MAPK14: variants seen among roughly 807,000 people sequenced by gnomAD.
MAPK14 encodes mitogen-activated protein kinase 14.
Under a neutral mutation model 49.6 loss-of-function variants are expected in MAPK14, and 16 were observed. The observed-to-expected ratio is 0.32, with a 90% CI of 0.22 to 0.49. The LOEUF (loss-of-function observed/expected upper bound fraction) is 0.49, where lower values mean the gene tolerates loss of function less well. MAPK14 is among the 20% of genes least tolerant of loss of function. The pLI is 0.99. For synonymous variants in MAPK14, 142 were observed against 158.0 expected (o/e 0.90, Z 0.76); for missense variants, 200 against 441.2 (o/e 0.45, Z 4.90).
intron 1 of MAPK14, among the ~76,000 whole-genome samples, chr6:36,051,424 A>G (rs972855232): frequency 1.3e-5 from 2 of 152,148 alleles, no homozygotes; most frequent in African/African-American, 4.8e-5. Flanking sequence ...TCTAAAAATA[A>G]TTAAAATACA....
chr6:36,074,133 T>G (rs764218332), intron 6 of MAPK14, 37 bp downstream of exon 6: 2 of 1,562,782 alleles, frequency 1.3e-6, no homozygotes, highest in South Asian at 2.2e-5. Context: ...TTTGCTTTAC[T>G]TTGAGATTAT....
Position 36,104,751 on chromosome 6 carries a change from G to T in MAPK14, c.841+2102G>T, listed in dbSNP as rs116629685. Reference sequence around the variant, plus strand: ...TTTCATTTTATAAGCCTTAAGTTTTGAACAGGGCAGTACTCACTGACACCC... The same window carrying T: ...TTTCATTTTATAAGCCTTAAGTTTTTAACAGGGCAGTACTCACTGACACCC... On this transcript the variant is annotated intron_variant, in intron 10 of 11. Transcript: ENST00000229794. Among the ~76,000 whole-genome samples the T allele has an allele frequency of 2.5e-3, 384 of 152,194 alleles. 2 individuals are homozygous for T. The highest frequency in any genetic ancestry group is 7.9e-3 in the African/African-American group (330 of 41,530).
intron 2 of MAPK14, among the ~76,000 whole-genome samples, chr6:36,053,806 A>G (rs1460651796): frequency 6.6e-6 from 1 of 152,206 alleles, no homozygotes; most frequent in Non-Finnish European, 1.5e-5. Flanking sequence ...CATTTGTTTC[A>G]TTAGTGCAAA....
intron 8 of MAPK14, among the ~76,000 whole-genome samples, chr6:36,090,938 TA>T (rs1426466665): frequency 2.0e-5 from 3 of 152,216 alleles, no homozygotes; most frequent in African/African-American, 7.2e-5. Context: ...TTCTTTGTGT[TA>T]CAGTGAAAAT....
chr6:36,030,612 G>A (rs572653304), intron 1 of MAPK14, among the ~76,000 whole-genome samples: 110 of 151,680 alleles, frequency 7.3e-4, no homozygotes, highest in East Asian at 1.6e-3. Flanking sequence ...ATTTGAACCC[G>A]GGAGGCGGAG....
chr6:36,035,692 A>G (rs1762721730), intron 1 of MAPK14, among the ~76,000 whole-genome samples: 1 of 152,242 alleles, frequency 6.6e-6, no homozygotes, highest in South Asian at 2.1e-4. Flanking sequence ...TAAACAAATG[A>G]ATGATTAGAA....
chr6:36,027,870 C>G lies in MAPK14; in HGVS notation c.-288C>G, dbSNP rs1762366495. 1 of 404,930 alleles carries G rather than the reference C, an allele frequency of 2.5e-6. No individual in the cohort carries two copies. Among genetic ancestry groups the G allele is most frequent in the South Asian group, 1.1e-4 (1 of 8,772 alleles). The allele number at this position is 404,930 out of a possible 1,614,324, so 25.1% of individuals were successfully genotyped here. On this transcript the variant is annotated 5_prime_UTR_variant, in exon 1 of 12. Coordinates refer to ENST00000229794, the MANE Select transcript of MAPK14 (RefSeq NM_139012.3). ...TACTGCGACGCAGCCCGGAGTCGGC[C>G]TTGTAGGGGCGAAGGTGCAGGGAGA... is the stretch of plus-strand genomic sequence containing the variant.
chr6:36,057,272 GTAAA>G (rs1436844094), intron 2 of MAPK14, among the ~76,000 whole-genome samples: 1 of 152,120 alleles, frequency 6.6e-6, no homozygotes, highest in South Asian at 2.1e-4. Context: ...TAAATATTAA[GTAAA>G]AAGGCAGGAT....
rs201099404 is a variant in MAPK14 at position 36,109,552 on chromosome 6, G to A, written c.*1105G>A. On this transcript the variant is annotated 3_prime_UTR_variant, in exon 12 of 12. Coordinates refer to ENST00000229794, the MANE Select transcript of MAPK14 (RefSeq NM_139012.3). ...TCTCTTCAGCCCCTAGTGCTATTCTGTGTTGAACACAATTGATACTTCAGG... is the reference window on the plus strand; with the variant it reads ...TCTCTTCAGCCCCTAGTGCTATTCTATGTTGAACACAATTGATACTTCAGG... 2 of 152,638 alleles carry A rather than the reference G, an allele frequency of 1.3e-5. No individual in the cohort carries two copies. The highest frequency in any genetic ancestry group is 2.4e-5 in the African/African-American group (1 of 41,446). The allele number at this position is 152,638 out of a possible 1,614,324, so 9.5% of individuals were successfully genotyped here.
At chr6:36,047,950 G>T (rs1303103685) in intron 1 of MAPK14, among the ~76,000 whole-genome samples, 4 of 151,890 alleles carry the variant, frequency 2.6e-5, no homozygotes, top group Non-Finnish European at 5.9e-5. Context: ...CACCATGTTG[G>T]CCAGGCTGGT....
At chr6:36,085,732 C>T (rs1444367162) in intron 8 of MAPK14, among the ~76,000 whole-genome samples, 2 of 152,080 alleles carry the variant, frequency 1.3e-5, no homozygotes, top group African/African-American at 4.8e-5. Flanking sequence ...GACTTTAATA[C>T]CCCACTGTCA....
At chr6:36,047,703 A>C (rs1242515255) in intron 1 of MAPK14, among the ~76,000 whole-genome samples, 4 of 151,550 alleles carry the variant, frequency 2.6e-5, no homozygotes, top group Non-Finnish European at 5.9e-5. Context: ...TCAGCCTCCC[A>C]AGTAGCTGGG....
At chr6:36,114,811 C>A (rs540136405), downstream of MAPK14, among the ~76,000 whole-genome samples, 4 of 152,214 alleles carry the variant, frequency 2.6e-5, no homozygotes, top group South Asian at 4.1e-4. Context: ...CCATTATCCA[C>A]AGGCAGAAAA....
chr6:36,071,131 G>A (rs906957709), intron 3 of MAPK14, among the ~76,000 whole-genome samples: 6 of 151,948 alleles, frequency 3.9e-5, no homozygotes, highest in African/African-American at 9.7e-5. Flanking sequence ...TCAGGAGTTC[G>A]AGACCAGCCT....
intron 3 of MAPK14, among the ~76,000 whole-genome samples, chr6:36,059,861 C>T (rs1310203328): frequency 6.6e-6 from 1 of 152,138 alleles, no homozygotes; most frequent in Non-Finnish European, 1.5e-5. Context: ...GTAACGGATC[C>T]CCAGCCATAT....
Position 36,075,130 on chromosome 6 carries a change from G to T in MAPK14, c.496-718G>T, listed in dbSNP as rs563176548. Among the ~76,000 whole-genome samples the T allele has an allele frequency of 5.3e-5, 8 of 150,090 alleles. No individual in the cohort carries two copies. The South Asian group carries it at 1.7e-3, about 32-fold the overall frequency. ...AGTCCCAGCTACTTGAGAGGCTGAG[G>T]CAGGAGAATGGCGTGAACCTGGGAG... is the stretch of plus-strand genomic sequence containing the variant. On this transcript the variant is annotated intron_variant, in intron 6 of 11. Transcript: ENST00000229794.
chr6:36,084,827 C>T (rs910531426), intron 8 of MAPK14, among the ~76,000 whole-genome samples: 87 of 152,186 alleles, frequency 5.7e-4, no homozygotes, highest in African/African-American at 2.0e-3. Context: ...CCCTAGAGAA[C>T]CCCAGTAAGC....
In MAPK14 at chr6:36,091,391, C is replaced by T. The variant is rs373929921; in HGVS notation, c.683-4596C>T. ...AGGAGATTTATGATTTAAATTTTGACGTTGTGATCATTACAATTAAAACAC... is the reference window on the plus strand; with the variant it reads ...AGGAGATTTATGATTTAAATTTTGATGTTGTGATCATTACAATTAAAACAC... On this transcript the variant is annotated intron_variant, in intron 8 of 11. Coordinates refer to ENST00000229794, the MANE Select transcript of MAPK14 (RefSeq NM_139012.3). 2.6e-4 allele frequency among the ~76,000 whole-genome samples: 40 copies of T among 152,112 alleles called. No homozygotes were observed. In the East Asian group the frequency reaches 4.2e-3, roughly 16 times the overall value.
chr6:36,059,284 T>C lies in MAPK14; in HGVS notation c.247-5T>C. On this transcript the variant is annotated splice_polypyrimidine_tract_variant and splice_region_variant and intron_variant, in intron 2 of 11. Coordinates refer to ENST00000229794, the MANE Select transcript of MAPK14 (RefSeq NM_139012.3). ...TTACTTTTTAATTTTTATATTTTCTTACAGGTGATTGGTCTGTTGGACGTT... is the reference window on the plus strand; with the variant it reads ...TTACTTTTTAATTTTTATATTTTCTCACAGGTGATTGGTCTGTTGGACGTT... 6.4e-7 allele frequency: 1 copy of C among 1,567,178 alleles called. No homozygotes were observed. The highest frequency in any genetic ancestry group is 8.8e-7 in the Non-Finnish European group (1 of 1,138,162).
Sources: gnomAD v4.1 joint callset for allele counts (sites outside exome capture counted in the v4.1 genomes callset) on GRCh38, gnomAD v4.1.1 for gene constraint, MANE v1.5 for transcripts, NCBI Gene and HGNC (gene_info 2026-07-23, HGNC 2026-07-21) for gene names.